Variants in ATAT1 observed in about 807,000 individuals in gnomAD.
The protein encoded by ATAT1 is alpha tubulin acetyltransferase 1.
Under a neutral mutation model 57.2 loss-of-function variants are expected in ATAT1, and 42 were observed. The observed-to-expected ratio is 0.73, with a 90% confidence interval of 0.57 to 0.95. The LOEUF is 0.95. ATAT1 is among the 40% of genes least tolerant of loss of function. The pLI is 0.00. For missense variants in ATAT1, 454 were observed against 523.7 expected (o/e 0.87, Z 1.30); for synonymous variants, 168 against 187.1 (o/e 0.90, Z 0.83).
At chr6:30,642,635 TC>T in intron 9 of ATAT1, 132 bp from the exon 10 acceptor site, 1 of 681,670 alleles carries the variant, frequency 1.5e-6, no homozygotes, top group South Asian at 1.9e-5. Context: ...AGAGTGAGAC[TC>T]CGTCTCAAAA....
chr6:30,627,894 A>C lies in ATAT1; in HGVS notation c.268A>C (p.Lys90Gln). The C allele has an allele frequency of 6.2e-7, 1 of 1,613,050 alleles. No homozygotes were observed. Among genetic ancestry groups the C allele is most frequent in the Non-Finnish European group, 8.5e-7 (1 of 1,180,018 alleles). Reference sequence around the variant, plus strand: ...TATTGGTTTCATCAAAGTTGGATACAAGAAGCTCTTTGTACTGGTGAGTGT... The same window carrying C: ...TATTGGTTTCATCAAAGTTGGATACCAGAAGCTCTTTGTACTGGTGAGTGT... The change falls in exon 4 of 13, where the codon AAG (lysine) becomes CAG (glutamine). Residue 90 changes from lysine to glutamine, a missense_variant. This residue lies in a region of ATAT1 where 236 missense variants were observed against 284.5 expected (regional missense o/e 0.83). Transcript: ENST00000330083.
At chr6:30,635,921 G>A (rs1763975501) in intron 6 of ATAT1, among the ~76,000 whole-genome samples, 2 of 152,206 alleles carry the variant, frequency 1.3e-5, no homozygotes, top group African/African-American at 4.8e-5. Flanking sequence ...GATCAAAAGA[G>A]TTGATCTTTT....
chr6:30,634,920 A>G (rs146387647), intron 6 of ATAT1, among the ~76,000 whole-genome samples: 5,661 of 151,942 alleles, frequency 0.037, 190 homozygotes, highest in African/African-American at 0.083. Context: ...CCCGGGAGGC[A>G]GAGCTTGCAG....
intron 6 of ATAT1, among the ~76,000 whole-genome samples, chr6:30,630,055 A>C (rs1762521895): frequency 6.6e-6 from 1 of 152,200 alleles, no homozygotes; most frequent in South Asian, 2.1e-4. Flanking sequence ...CCATTCATCC[A>C]ATAAACATTG....
At chr6:30,641,106 T>TACACACACACACACAC (rs1262818896) in intron 8 of ATAT1, among the ~76,000 whole-genome samples, 42 of 140,942 alleles carry the variant, frequency 3.0e-4, no homozygotes, top group East Asian at 1.1e-3. Flanking sequence ...CCCCATCCCA[T>TACACACACACACACAC]ATACACACAT....
intron 6 of ATAT1, among the ~76,000 whole-genome samples, chr6:30,639,060 A>C (rs1224194170): frequency 2.0e-5 from 3 of 152,044 alleles, no homozygotes; most frequent in African/African-American, 7.2e-5. Flanking sequence ...AGCTCACTGC[A>C]ACCTCCGCCT....
At chr6:30,628,528 G>T (rs994342135) in intron 6 of ATAT1, 98 bp downstream of exon 6, 1 of 985,222 alleles carries the variant, frequency 1.0e-6, no homozygotes, top group African/African-American at 1.6e-5. Flanking sequence ...TATCACATAG[G>T]TTTCATTTTC....
Position 30,646,082 on chromosome 6 carries a change from A to G in ATAT1, c.1028A>G (p.Lys343Arg). Reference sequence around the variant, plus strand: ...ATTTCCACAGGCAACCAAGACTCCAAGCAGGGAGAACAGGAAACAAAGAAT... The same window carrying G: ...ATTTCCACAGGCAACCAAGACTCCAGGCAGGGAGAACAGGAAACAAAGAAT... The change falls in exon 12 of 13, where the codon AAG becomes AGG. Residue 343 changes from lysine to arginine, a missense_variant. By Grantham distance (26) the Lys-to-Arg change is conservative. Transcript: ENST00000330083. The G allele has an allele frequency of 1.2e-6, 2 of 1,610,674 alleles. No individual in the cohort carries two copies.
At position 30,646,523 on chromosome 6, in the gene ATAT1, G is replaced by C. The variant is rs1309794487; in HGVS notation, c.1110G>C (p.Met370Ile). The change falls in exon 13 of 13, where the codon ATG becomes ATC. Residue 370 changes from methionine (M) to isoleucine (I), a missense_variant. Around this residue, in one of 3 missense-constraint regions of ATAT1, gnomAD observed 216 missense variants for 222.2 expected, o/e 0.97. Coordinates refer to ENST00000330083, the MANE Select transcript of ATAT1 (RefSeq NM_001031722.4). ...AGGATGGGTCTGGGGAGAAGCCCAT[G>C]CACACAGCTCCTCCACAGGCCCCGG... 1.3e-6 allele frequency: 2 copies of C among 1,595,882 alleles called. No homozygotes were observed. Among genetic ancestry groups the C allele is most frequent in the Non-Finnish European group, 1.7e-6 (2 of 1,171,690 alleles).
intron 10 of ATAT1, chr6:30,643,312 A>G (rs2127551754): frequency 3.5e-6 from 5 of 1,420,946 alleles, no homozygotes; most frequent in South Asian, 1.6e-5. Context: ...TAAGATTGGG[A>G]AAATCTTCGC....
intron 6 of ATAT1, among the ~76,000 whole-genome samples, chr6:30,635,047 A>T (rs1763773502): frequency 6.6e-6 from 1 of 152,172 alleles, no homozygotes; most frequent in Non-Finnish European, 1.5e-5. Flanking sequence ...TCTTTAGTGT[A>T]TGTAGTTAGT....
chr6:30,643,667 C>T, intron 10 of ATAT1: 1 of 1,535,212 alleles, frequency 6.5e-7, no homozygotes, highest in Non-Finnish European at 8.8e-7. Context: ...CCAGTGGAAC[C>T]TGACAGAGCC....
Position 30,642,833 on chromosome 6 carries a change from G to GGGGGCCCCCCCCCCCCCC in ATAT1, c.754_755insGGGGCCCCCCCCCCCCCC (p.Ala252delinsGlyGlyProProProProPro). On this transcript the variant is annotated protein_altering_variant, in exon 10 of 13. Transcript: ENST00000330083. ...GGCCCCTCGCCGCGCCACACCTCCAGCCCACCCACCCCCCCGCTCCAGCAG... is the reference window on the plus strand; with the variant it reads ...GGCCCCTCGCCGCGCCACACCTCCAGGGGGCCCCCCCCCCCCCCCCCACCCACCCCCCCGCTCCAGCAG... 11 of 1,537,812 alleles carry GGGGGCCCCCCCCCCCCCC rather than the reference G, an allele frequency of 7.2e-6. No homozygotes were observed. Among genetic ancestry groups the GGGGGCCCCCCCCCCCCCC allele is most frequent in the East Asian group, 4.7e-5 (2 of 42,456 alleles).
intron 6 of ATAT1, among the ~76,000 whole-genome samples, chr6:30,631,517 A>C (rs986495142): frequency 6.6e-6 from 1 of 151,768 alleles, no homozygotes; most frequent in African/African-American, 2.4e-5. Context: ...GGTGACTTAC[A>C]TCTGCAATCC....
intron 8 of ATAT1, 24 bp downstream of exon 8, chr6:30,640,627 G>A: frequency 1.2e-6 from 2 of 1,610,892 alleles, no homozygotes; most frequent in Non-Finnish European, 1.7e-6. Context: ...TGAAGGGGTG[G>A]AACTGTAGTG....
intron 10 of ATAT1, chr6:30,644,821 T>C: frequency 5.4e-6 from 1 of 183,844 alleles, no homozygotes; most frequent in Non-Finnish European, 1.0e-5. Context: ...CCTATCCCCA[T>C]CTTCACTGTT....
At position 30,627,028 on chromosome 6, in the gene ATAT1, C is replaced by T. The variant is rs1313718917; in HGVS notation, c.-176C>T. On this transcript the variant is annotated 5_prime_UTR_variant, in exon 1 of 13. Coordinates refer to ENST00000330083, the MANE Select transcript of ATAT1 (RefSeq NM_001031722.4). ...AAACCCACCCTCTGGCCCTTTTCTC[C>T]CGGTTCCTCTCCAAACCTGGTCCAG... 2 of 1,557,492 alleles carry T rather than the reference C, an allele frequency of 1.3e-6. No individual in the cohort carries two copies. The highest frequency in any genetic ancestry group is 1.7e-6 in the Non-Finnish European group (2 of 1,148,590).
At chr6:30,636,098 T>C (rs34890315) in intron 6 of ATAT1, among the ~76,000 whole-genome samples, 15,162 of 152,164 alleles carry the variant, frequency 0.1, 842 homozygotes, top group Middle Eastern at 0.19. Flanking sequence ...AGTTAATCCA[T>C]TGTAACATGA....
Position 30,646,710 on chromosome 6 carries a change from AC to A in ATAT1, c.*70del. The A allele has an allele frequency of 2.1e-6, 3 of 1,451,158 alleles. No homozygotes were observed. Among genetic ancestry groups the A allele is most frequent in the Non-Finnish European group, 2.7e-6 (3 of 1,093,396 alleles). The allele number at this position is 1,451,158 out of a possible 1,614,324, so 89.9% of individuals were successfully genotyped here. ...CACTACAGGAAAGAGCCAAAGCCCA[AC>A]CCTCATAATAGATGGATACATTCAT... On this transcript the variant is annotated 3_prime_UTR_variant, in exon 13 of 13. Coordinates refer to ENST00000330083, the MANE Select transcript of ATAT1 (RefSeq NM_001031722.4).
Sources: gnomAD v4.1 joint callset for allele counts (sites outside exome capture counted in the v4.1 genomes callset) on GRCh38, gnomAD v4.1.1 for gene constraint, gnomAD v4.1.1 regional missense constraint, MANE v1.5 for transcripts, NCBI Gene and HGNC (gene_info 2026-07-23, HGNC 2026-07-21) for gene names.